Variants in HMCN1 observed in about 807,000 individuals in gnomAD.
HMCN1 encodes the protein hemicentin 1, also known as hemicentin-1.
A neutral mutation model predicts 625.9 loss-of-function variants in HMCN1; 321 were observed. That is an observed-to-expected ratio of 0.51 (90% CI 0.47 to 0.56). The LOEUF (loss-of-function observed/expected upper bound fraction) is 0.56, where lower values mean the gene tolerates loss of function less well. HMCN1 is among the 20% of genes least tolerant of loss of function. The pLI is 0.00. For missense variants in HMCN1, 6,588 were observed against 6,887.3 expected (o/e 0.96, Z 1.54); for synonymous variants, 2,425 against 2,417.6 (o/e 1.00, Z -0.09).
chr1:185,844,938 A>G lies in HMCN1; in HGVS notation c.269-1088A>G, dbSNP rs183450016. Among the ~76,000 whole-genome samples, 186 of 152,346 alleles carry G rather than the reference A, an allele frequency of 1.2e-3. 1 individual carries two copies. The highest frequency in any genetic ancestry group is 1.6e-3 in the African/African-American group (66 of 41,584). On this transcript the variant is annotated intron_variant, in intron 1 of 106. Transcript: ENST00000271588. ...TATATACAGATTTCCAAGTTAACCC[A>G]TGATATCTGGGATCCTTTTATTCAC... is the stretch of plus-strand genomic sequence containing the variant.
At chr1:185,843,571 G>T (rs984937655) in intron 1 of HMCN1, among the ~76,000 whole-genome samples, 13 of 152,154 alleles carry the variant, frequency 8.5e-5, no homozygotes, top group Non-Finnish European at 1.5e-4. Context: ...GACACAGCTG[G>T]CACAGGGCTC....
chr1:185,838,110 C>A (rs559922397), intron 1 of HMCN1, among the ~76,000 whole-genome samples: 1 of 152,086 alleles, frequency 6.6e-6, no homozygotes, highest in Non-Finnish European at 1.5e-5. Context: ...TTCTTCCTCA[C>A]GATATAGGTT....
chr1:186,094,189 C>A, intron 66 of HMCN1, 87 bp from the exon 67 acceptor site: 1 of 1,045,614 alleles, frequency 9.6e-7, no homozygotes, highest in Non-Finnish European at 1.5e-6. Context: ...AAATCACCAC[C>A]TATAGCCTAT....
At chr1:186,100,603 A>G (rs573124101) in intron 68 of HMCN1, among the ~76,000 whole-genome samples, 4 of 152,258 alleles carry the variant, frequency 2.6e-5, no homozygotes, top group Admixed American at 6.5e-5. Flanking sequence ...AACAAATAGA[A>G]CTACAGTTTG....
intron 16 of HMCN1, 123 bp from the exon 17 acceptor site, chr1:185,980,855 T>A: frequency 1.3e-6 from 1 of 761,218 alleles, no homozygotes; most frequent in East Asian, 2.5e-5. Flanking sequence ...GGTTTCTGTG[T>A]ATGTCCCTTC....
At chr1:186,142,695 T>A (rs1650045337) in intron 89 of HMCN1, among the ~76,000 whole-genome samples, 1 of 152,212 alleles carries the variant, frequency 6.6e-6, no homozygotes, top group Non-Finnish European at 1.5e-5. Flanking sequence ...ACATTTTGTA[T>A]CTTGAAGTCC....
intron 4 of HMCN1, among the ~76,000 whole-genome samples, chr1:185,870,997 C>T (rs979985561): frequency 1.3e-5 from 2 of 151,914 alleles, no homozygotes; most frequent in African/African-American, 4.8e-5. Flanking sequence ...TTTGGGAGGC[C>T]AAGGTGGGCG....
intron 52 of HMCN1, 49 bp downstream of exon 52, chr1:186,070,806 T>C (rs376254827): frequency 3.2e-6 from 5 of 1,572,038 alleles, no homozygotes; most frequent in African/African-American, 1.4e-5. Flanking sequence ...AAGACTAAAA[T>C]GGTCAATTGA....
intron 1 of HMCN1, among the ~76,000 whole-genome samples, chr1:185,764,262 T>C (rs1361986598): frequency 6.6e-6 from 1 of 152,190 alleles, no homozygotes; most frequent in Non-Finnish European, 1.5e-5. Context: ...TGCATGTTGA[T>C]GGTATGTTTC....
chr1:186,155,247 C>A (rs939449579), intron 97 of HMCN1, among the ~76,000 whole-genome samples: 3 of 152,102 alleles, frequency 2.0e-5, no homozygotes, highest in Non-Finnish European at 4.4e-5. Context: ...TCTGGAAGTA[C>A]AAGCACACAT....
At chr1:186,084,879 G>A (rs1659379317) in intron 57 of HMCN1, among the ~76,000 whole-genome samples, 1 of 152,018 alleles carries the variant, frequency 6.6e-6, no homozygotes, top group African/African-American at 2.4e-5. Flanking sequence ...CTCCCCTGGA[G>A]GTGAAAAAGG....
chr1:185,774,443 A>G (rs1656460486), intron 1 of HMCN1, among the ~76,000 whole-genome samples: 1 of 152,188 alleles, frequency 6.6e-6, no homozygotes, highest in African/African-American at 2.4e-5. Context: ...GTTCATGGCT[A>G]ACTTTTTATT....
At chr1:185,962,722 C>G in intron 12 of HMCN1, 63 bp downstream of exon 12, 1 of 929,346 alleles carries the variant, frequency 1.1e-6, no homozygotes. Context: ...GACTTCTGGA[C>G]CAAACTAATA....
At chr1:185,983,843 ATAT>A (rs1299696263) in intron 18 of HMCN1, among the ~76,000 whole-genome samples, 2 of 152,228 alleles carry the variant, frequency 1.3e-5, no homozygotes, top group South Asian at 2.1e-4. Flanking sequence ...CCAAAAGTAA[ATAT>A]TATAGTGAAA....
chr1:185,918,707 G>A (rs1220878928), intron 6 of HMCN1, among the ~76,000 whole-genome samples: 3 of 152,074 alleles, frequency 2.0e-5, no homozygotes, highest in Non-Finnish European at 4.4e-5. Context: ...CTTAATGAAC[G>A]TGATACTACT....
Position 185,909,412 on chromosome 1 carries a change from G to A in HMCN1, c.697G>A (p.Val233Ile), listed in dbSNP as rs540097337. Residue 233 changes from valine (V) to isoleucine (I), a missense_variant, in exon 5 of 107, where the codon GTA becomes ATA. This residue lies in a region of HMCN1 where 4,628 missense variants were observed against 4,853.1 expected (regional missense o/e 0.95). Coordinates refer to ENST00000271588, the MANE Select transcript of HMCN1 (RefSeq NM_031935.3). Reference sequence around the variant, plus strand: ...ATCCACAGATCATTTGGAACAGGCTGTAAATACTTGGAGAATTCCTTTTGA... The same window carrying A: ...ATCCACAGATCATTTGGAACAGGCTATAAATACTTGGAGAATTCCTTTTGA... ...LLSTDHLEQAVNTWRIPFDPS... is the reference protein window; with the variant it reads ...LLSTDHLEQAINTWRIPFDPS... 49 of 1,613,334 alleles carry A rather than the reference G, an allele frequency of 3.0e-5. No homozygotes were observed. The highest frequency in any genetic ancestry group is 4.1e-5 in the Non-Finnish European group (48 of 1,179,468).
At chr1:186,062,917 G>A (rs894548511) in intron 48 of HMCN1, among the ~76,000 whole-genome samples, 5 of 150,408 alleles carry the variant, frequency 3.3e-5, no homozygotes, top group South Asian at 4.2e-4. Context: ...TAGAACATAC[G>A]ATATTTGACT....
intron 68 of HMCN1, among the ~76,000 whole-genome samples, chr1:186,101,669 G>A (rs1255507575): frequency 6.6e-6 from 1 of 152,006 alleles, no homozygotes; most frequent in Non-Finnish European, 1.5e-5. Flanking sequence ...AACTACACAA[G>A]AGCATGTTAA....
chr1:186,034,228 A>G (rs1407789445), intron 36 of HMCN1, among the ~76,000 whole-genome samples: 1 of 152,174 alleles, frequency 6.6e-6, no homozygotes, highest in African/African-American at 2.4e-5. Context: ...GAAGTTGGAA[A>G]AGGCAAGGGA....
Sources: gnomAD v4.1 joint callset for allele counts (sites outside exome capture counted in the v4.1 genomes callset) on GRCh38, gnomAD v4.1.1 for gene constraint, gnomAD v4.1.1 regional missense constraint, MANE v1.5 for transcripts, NCBI Gene and HGNC (gene_info 2026-07-23, HGNC 2026-07-21) for gene names.